The following CASZ1 variants were observed in gnomAD, a reference collection of about 807,000 sequenced individuals.
The protein encoded by CASZ1 is castor zinc finger 1, also known as zinc finger protein castor homolog 1.
CASZ1 carries 28 observed loss-of-function variants against 135.2 expected under a neutral mutation model. The observed-to-expected ratio is 0.21, with a 90% CI of 0.15 to 0.28. The LOEUF (loss-of-function observed/expected upper bound fraction) is 0.28. Ranked by LOEUF, CASZ1 falls within the 10% of genes least tolerant of loss-of-function variation. The probability of loss-of-function intolerance (pLI) is 1.00; values close to 1 mark genes in which losing one functional copy is unlikely to be tolerated. For synonymous variants in CASZ1, 1,068 were observed against 1,073.4 expected (o/e 0.99, Z 0.10); for missense variants, 2,161 against 2,453.3 (o/e 0.88, Z 2.52).
chr1:10,689,361 T>C (rs1017091526), intron 4 of CASZ1, among the ~76,000 whole-genome samples: 7 of 152,176 alleles, frequency 4.6e-5, no homozygotes, highest in Non-Finnish European at 7.3e-5. Flanking sequence ...TATTTTATTT[T>C]TCCATCATAA....
chr1:10,672,033 A>C (rs975146888), intron 4 of CASZ1, among the ~76,000 whole-genome samples: 1 of 152,138 alleles, frequency 6.6e-6, no homozygotes, highest in Non-Finnish European at 1.5e-5. Context: ...TCTAGGTCCC[A>C]GAGACGGACA....
chr1:10,674,576 T>C (rs1329059374), intron 4 of CASZ1, among the ~76,000 whole-genome samples: 2 of 152,204 alleles, frequency 1.3e-5, no homozygotes, highest in African/African-American at 4.8e-5. Flanking sequence ...TCCCCAACTG[T>C]AACACAGCGT....
intron 2 of CASZ1, among the ~76,000 whole-genome samples, chr1:10,729,473 C>G (rs1332613056): frequency 1.3e-5 from 2 of 152,156 alleles, no homozygotes; most frequent in Non-Finnish European, 2.9e-5. Context: ...TCCAGGGAGC[C>G]AGGAGGAGTT....
chr1:10,686,120 C>T (rs890684106), intron 4 of CASZ1, among the ~76,000 whole-genome samples: 1 of 152,140 alleles, frequency 6.6e-6, no homozygotes, highest in Non-Finnish European at 1.5e-5. Flanking sequence ...GGCCCCCCAC[C>T]CAGCACGGGG....
intron 4 of CASZ1, 122 bp from the exon 5 acceptor site, chr1:10,665,693 A>T: frequency 8.8e-7 from 1 of 1,142,104 alleles, no homozygotes; most frequent in Admixed American, 3.0e-5. Flanking sequence ...GTGCCATCAA[A>T]CTGCCCTGAG....
At chr1:10,703,721 C>T (rs1639111025) in intron 3 of CASZ1, among the ~76,000 whole-genome samples, 1 of 152,114 alleles carries the variant, frequency 6.6e-6, no homozygotes, top group African/African-American at 2.4e-5. Context: ...CGAGCGGGGG[C>T]CGGAAAACTT....
chr1:10,642,576 C>T (rs1414386168), intron 20 of CASZ1, among the ~76,000 whole-genome samples: 9 of 151,838 alleles, frequency 5.9e-5, no homozygotes, highest in Non-Finnish European at 1.0e-4. Flanking sequence ...TGGGAGGCAG[C>T]GGAGGAAGGA....
chr1:10,761,935 T>G (rs1272078400), intron 1 of CASZ1, among the ~76,000 whole-genome samples: 1 of 152,056 alleles, frequency 6.6e-6, no homozygotes, highest in African/African-American at 2.4e-5. Flanking sequence ...CCTTCCCCCT[T>G]TGCGGGAAGA....
Position 10,739,236 on chromosome 1 carries a change from G to C in CASZ1, c.-77+21465C>G, listed in dbSNP as rs76212389. ...CGGTGCAACCTGCAGCTGCGGGACG[G>C]GTGCATTCACGAGGGGGGTGTGTGC... On this transcript the variant is annotated intron_variant, in intron 2 of 20. Coordinates refer to ENST00000377022, the MANE Select transcript of CASZ1 (RefSeq NM_001079843.3). This position sits in a 1 kb window ranked among gnomAD's most constrained non-coding sequence, Gnocchi z 4.8. Among the ~76,000 whole-genome samples, 84 of 152,242 alleles carry C rather than the reference G, an allele frequency of 5.5e-4. No individual in the cohort carries two copies. The East Asian group carries it at 0.01, about 18-fold the overall frequency.
Position 10,711,863 on chromosome 1 carries a change from G to C in CASZ1, c.-76-6319C>G, listed in dbSNP as rs1639292095. Reference sequence around the variant, plus strand: ...CAAGTTGTATGATTCCATTAATATGGAATATCCGGAACAGGCAAATCCACA... The same window carrying C: ...CAAGTTGTATGATTCCATTAATATGCAATATCCGGAACAGGCAAATCCACA... On this transcript the variant is annotated intron_variant, in intron 2 of 20. Transcript: ENST00000377022. The surrounding 1 kb of genome is among the most constrained non-coding windows in gnomAD (Gnocchi z 4.4). Among the ~76,000 whole-genome samples, 1 of 152,168 alleles carries C rather than the reference G, an allele frequency of 6.6e-6. No homozygotes were observed. The highest frequency in any genetic ancestry group is 2.4e-5 in the African/African-American group (1 of 41,432).
rs1440306573 is a variant in CASZ1, at chr1:10,726,621, C to T, written c.-76-21077G>A. ...CGCCAGCGTCTTTACTAGGCCCTGG[C>T]GCTGTGCGGCCCCTGCCTGGGTGCG... On this transcript the variant is annotated intron_variant, in intron 2 of 20. Transcript: ENST00000377022. This position sits in a 1 kb window ranked among gnomAD's most constrained non-coding sequence, Gnocchi z 5.7. Among the ~76,000 whole-genome samples, 1 of 152,240 alleles carries T rather than the reference C, an allele frequency of 6.6e-6. No individual in the cohort carries two copies. The highest frequency in any genetic ancestry group is 6.5e-5 in the Admixed American group (1 of 15,288).
At chr1:10,664,921 C>T (rs1018256938) in intron 5 of CASZ1, among the ~76,000 whole-genome samples, 162 bp downstream of exon 5, 5 of 151,996 alleles carry the variant, frequency 3.3e-5, no homozygotes, top group Admixed American at 1.3e-4. Flanking sequence ...TGCCCCTCCC[C>T]GTCCTAGTCT....
intron 4 of CASZ1, among the ~76,000 whole-genome samples, 173 bp from the exon 5 acceptor site, chr1:10,665,744 C>T (rs1643215458): frequency 6.6e-6 from 1 of 152,200 alleles, no homozygotes. Flanking sequence ...AGTCTATGAG[C>T]TCCGTGGCCA....
At chr1:10,667,471 A>G (rs939808263) in intron 4 of CASZ1, among the ~76,000 whole-genome samples, 3 of 151,974 alleles carry the variant, frequency 2.0e-5, no homozygotes, top group African/African-American at 7.3e-5. Flanking sequence ...CACACCCAAG[A>G]CCCCAAGCAC....
intron 2 of CASZ1, among the ~76,000 whole-genome samples, chr1:10,730,103 C>CTTTA (rs143871407): frequency 0.057 from 8,578 of 151,434 alleles, 713 homozygotes; most frequent in African/African-American, 0.18. Flanking sequence ...GCCATATTCA[C>CTTTA]TTTATTTATT....
chr1:10,685,866 G>A (rs1004800288), intron 4 of CASZ1, among the ~76,000 whole-genome samples: 10 of 152,250 alleles, frequency 6.6e-5, no homozygotes, highest in Admixed American at 1.3e-4. Context: ...GGGAGGGGAC[G>A]CTGGGAGAGA....
intron 2 of CASZ1, among the ~76,000 whole-genome samples, chr1:10,713,752 C>T (rs965612229): frequency 5.3e-5 from 8 of 152,250 alleles, no homozygotes; most frequent in South Asian, 2.1e-4. Flanking sequence ...AAAGGACACA[C>T]GTCGTGTGGG....
intron 1 of CASZ1, among the ~76,000 whole-genome samples, chr1:10,771,472 C>T (rs978091329): frequency 5.9e-5 from 9 of 151,780 alleles, no homozygotes; most frequent in East Asian, 3.9e-4. Flanking sequence ...CTGTGAGGTA[C>T]GCTGGGTGTT....
intron 1 of CASZ1, among the ~76,000 whole-genome samples, chr1:10,792,751 A>C (rs1356214666): frequency 6.6e-6 from 1 of 151,544 alleles, no homozygotes; most frequent in Non-Finnish European, 1.5e-5. Context: ...AGAGAAGAAA[A>C]GGAGAAAAAG....
Sources: gnomAD v4.1 joint callset for allele counts (sites outside exome capture counted in the v4.1 genomes callset) on GRCh38, gnomAD v4.1.1 for gene constraint, Gnocchi (gnomAD v3.1) non-coding constraint, MANE v1.5 for transcripts, NCBI Gene and HGNC (gene_info 2026-07-23, HGNC 2026-07-21) for gene names.